The following MGME1 variants were observed in gnomAD, a reference collection of about 807,000 sequenced individuals.
MGME1 encodes mitochondrial genome maintenance exonuclease 1, also known as chromosome 20 open reading frame 72.
MGME1 carries 22 observed loss-of-function variants against 33.0 expected under a neutral mutation model. The ratio of observed to expected loss-of-function variants is 0.67; its 90% CI spans 0.48 to 0.95. The LOEUF is 0.95. Ranked by LOEUF, MGME1 falls within the 40% of genes least tolerant of loss-of-function variation. MGME1 has a pLI of 0.00. For missense variants in MGME1, 383 were observed against 397.8 expected, an observed-to-expected ratio of 0.96 and a Z score of 0.32; for synonymous variants, 133 against 144.0, an observed-to-expected ratio of 0.92 and a Z score of 0.55.
chr20:17,975,566 AAAG>A (rs1250098797), intron 2 of MGME1, 115 bp from the exon 3 acceptor site: 5 of 814,832 alleles, frequency 6.1e-6, no homozygotes, highest in South Asian at 1.9e-5. Flanking sequence ...AAAAAAAAAA[AAAG>A]AAAAAAAAAT....
At chr20:17,971,615 A>T (rs1472511072) in intron 2 of MGME1, among the ~76,000 whole-genome samples, 1 of 152,218 alleles carries the variant, frequency 6.6e-6, no homozygotes, top group Non-Finnish European at 1.5e-5. Flanking sequence ...CTCTTGGCAC[A>T]AAGTAAGGAA....
chr20:17,983,368 T>C (rs2036082028), intron 3 of MGME1, among the ~76,000 whole-genome samples: 1 of 152,168 alleles, frequency 6.6e-6, no homozygotes, highest in African/African-American at 2.4e-5. Flanking sequence ...TCTTGGCCTT[T>C]GTAAATAATG....
intron 2 of MGME1, among the ~76,000 whole-genome samples, chr20:17,971,446 TAC>T (rs2035726669): frequency 6.6e-6 from 1 of 152,242 alleles, no homozygotes; most frequent in Non-Finnish European, 1.5e-5. Flanking sequence ...AATGGCATCT[TAC>T]AGTTTTGTAT....
Position 17,970,267 on chromosome 20 carries a change from C to A in MGME1, c.408C>A (p.Val136=), listed in dbSNP as rs778025258. 6.2e-7 allele frequency: 1 copy of A among 1,614,190 alleles called. No individual in the cohort carries two copies. The highest frequency in any genetic ancestry group is 2.2e-5 in the East Asian group (1 of 44,888). ...QRNVIPSVTR[V]LQQTMTKQQV... ...ATGTGATACCAAGTGTGACCCGAGTCCTTCAGCAGACCATGACAAAACAAC... is the reference window on the plus strand; with the variant it reads ...ATGTGATACCAAGTGTGACCCGAGTACTTCAGCAGACCATGACAAAACAAC... The change falls in exon 2 of 5, where the codon GTC becomes GTA. Residue 136 remains valine, a synonymous_variant. Coordinates refer to ENST00000377710, the MANE Select transcript of MGME1 (RefSeq NM_052865.4).
chr20:17,988,163 T>C lies in MGME1; in HGVS notation c.732-3T>C, dbSNP rs763057974. Reference sequence around the variant, plus strand: ...ACAAAGTCTTCCTGTGGTTTCTCTTTAGGGGCAAGCTCTGTGTGATTGATT... The same window carrying C: ...ACAAAGTCTTCCTGTGGTTTCTCTTCAGGGGCAAGCTCTGTGTGATTGATT... On this transcript the variant is annotated splice_polypyrimidine_tract_variant and splice_region_variant and intron_variant, in intron 3 of 4. Transcript: ENST00000377710. 16 of 1,610,136 alleles carry C rather than the reference T, an allele frequency of 9.9e-6. No homozygotes were observed. The highest frequency in any genetic ancestry group is 1.3e-5 in the African/African-American group (1 of 74,780).
At chr20:17,979,764 A>C (rs1214314843) in intron 3 of MGME1, among the ~76,000 whole-genome samples, 1 of 145,516 alleles carries the variant, frequency 6.9e-6, no homozygotes, top group Non-Finnish European at 1.5e-5. Context: ...GCAGTCTTTC[A>C]CTGTCACCCA....
chr20:17,979,239 G>A (rs2035943194), intron 3 of MGME1, among the ~76,000 whole-genome samples: 1 of 151,716 alleles, frequency 6.6e-6, no homozygotes, highest in Admixed American at 6.6e-5. Context: ...ACCACGCCCA[G>A]CTAATTTTTT....
At position 17,991,085 on chromosome 20, in the gene MGME1, T is replaced by C. The variant is rs539098876; in HGVS notation, c.*976T>C. ...CTACAATGACTTCTTTGGGTAGCCA[T>C]TTTCATAAGAAATAAAATACAAGAT... On this transcript the variant is annotated 3_prime_UTR_variant, in exon 5 of 5. Coordinates refer to ENST00000377710, the MANE Select transcript of MGME1 (RefSeq NM_052865.4). 6.6e-6 allele frequency: 1 copy of C among 152,348 alleles called. No homozygotes were observed. The highest frequency in any genetic ancestry group is 1.5e-5 in the Non-Finnish European group (1 of 68,034). The allele number at this position is 152,348 out of a possible 1,614,324, so 9.4% of individuals were successfully genotyped here.
chr20:17,988,241 A>G lies in MGME1; in HGVS notation c.807A>G (p.Pro269=), dbSNP rs202011705. The change falls in exon 4 of 5, where the codon CCA becomes CCG. Residue 269 remains proline (P), a synonymous_variant. Coordinates refer to ENST00000377710, the MANE Select transcript of MGME1 (RefSeq NM_052865.4). ...KPFIQSTFDN[P]LQVVAYMGAM... ...TTATTCAAAGTACATTTGACAACCC[A>G]CTGCAAGTTGTGGCATACATGGGTG... 3.1e-6 allele frequency: 5 copies of G among 1,613,928 alleles called. No homozygotes were observed. Among genetic ancestry groups the G allele is most frequent in the Middle Eastern group, 1.6e-4 (1 of 6,084 alleles).
At position 17,970,306 on chromosome 20, in the gene MGME1, G is replaced by A; in HGVS notation, c.447G>A (p.Leu149=). ...QTMTKQQVFL[L]ERWKQRMILE... ...TGACAAAACAACAGGTTTTCTTGTT[G>A]GAGAGGTGGAAACAGCGGATGATTC... The change falls in exon 2 of 5, where the codon TTG becomes TTA. Residue 149 remains leucine, a synonymous_variant. Coordinates refer to ENST00000377710, the MANE Select transcript of MGME1 (RefSeq NM_052865.4). The A allele has an allele frequency of 6.2e-7, 1 of 1,614,182 alleles. No individual in the cohort carries two copies. Among genetic ancestry groups the A allele is most frequent in the Non-Finnish European group, 8.5e-7 (1 of 1,180,030 alleles).
rs1344801288 is a variant in MGME1, at chr20:17,988,194, A to C, written c.760A>C (p.Thr254Pro). Residue 254 changes from threonine to proline, a missense_variant, in exon 4 of 5, where the codon ACA becomes CCA. Thr to Pro is a conservative substitution (Grantham distance 38). Transcript: ENST00000377710. ...QGKLCVIDWKTSEKPKPFIQS... is the reference protein window; with the variant it reads ...QGKLCVIDWKPSEKPKPFIQS... ...CAAGCTCTGTGTGATTGATTGGAAGACATCAGAGAAACCAAAGCCTTTTAT... is the reference window on the plus strand; with the variant it reads ...CAAGCTCTGTGTGATTGATTGGAAGCCATCAGAGAAACCAAAGCCTTTTAT... 1 of 1,614,104 alleles carries C rather than the reference A, an allele frequency of 6.2e-7. No individual in the cohort carries two copies. The highest frequency in any genetic ancestry group is 1.7e-5 in the Admixed American group (1 of 60,012).
At chr20:17,987,865 G>A (rs990869590) in intron 3 of MGME1, among the ~76,000 whole-genome samples, 2 of 152,026 alleles carry the variant, frequency 1.3e-5, no homozygotes, top group East Asian at 1.9e-4. Flanking sequence ...GATAGGGGAT[G>A]GGGGGAGGAA....
intron 3 of MGME1, among the ~76,000 whole-genome samples, chr20:17,986,421 G>A (rs1159474420): frequency 1.3e-5 from 2 of 149,702 alleles, no homozygotes; most frequent in African/African-American, 4.9e-5. Context: ...TGTTACCCAC[G>A]CTGTTGTGCA....
Position 17,990,325 on chromosome 20 carries a change from G to A in MGME1, c.*216G>A, listed in dbSNP as rs1017445775. On this transcript the variant is annotated 3_prime_UTR_variant, in exon 5 of 5. Transcript: ENST00000377710. ...CTAGACTTCGGCACGCGAAATCCCA[G>A]CTATGCTACCTCTTATTTACCTGAA... 1.0e-5 allele frequency: 5 copies of A among 480,594 alleles called. No homozygotes were observed. Among genetic ancestry groups the A allele is most frequent in the East Asian group, 7.7e-5 (2 of 26,050 alleles). 29.8% of individuals were successfully genotyped at this position (480,594 alleles called of 1,614,324 possible).
intron 4 of MGME1, 57 bp from the exon 5 acceptor site, chr20:17,989,882 A>T (rs2036248789): frequency 1.3e-6 from 2 of 1,539,650 alleles, no homozygotes. Context: ...GAAGGAAACG[A>T]ACCTAAACTC....
chr20:17,969,845 T>C lies in MGME1; in HGVS notation c.-15T>C. The C allele has an allele frequency of 6.3e-7, 1 of 1,591,564 alleles. No homozygotes were observed. Among genetic ancestry groups the C allele is most frequent in the Non-Finnish European group, 8.5e-7 (1 of 1,171,346 alleles). ...TTCGACCGTTGCAAATAGACTAAAG[T>C]GAAAACAAATCTGAATGAAGATGAA... On this transcript the variant is annotated 5_prime_UTR_variant, in exon 2 of 5. Coordinates refer to ENST00000377710, the MANE Select transcript of MGME1 (RefSeq NM_052865.4).
intron 3 of MGME1, among the ~76,000 whole-genome samples, chr20:17,979,191 C>G (rs6045122): frequency 6.6e-6 from 1 of 151,870 alleles, no homozygotes; most frequent in Non-Finnish European, 1.5e-5. Context: ...ATTCTCCCAC[C>G]TCAGCCTCCT....
intron 2 of MGME1, chr20:17,972,835 C>T: frequency 3.2e-6 from 3 of 943,320 alleles, no homozygotes; most frequent in Non-Finnish European, 3.8e-6. Flanking sequence ...TGTTTGTCTT[C>T]TGCTTCATTA....
chr20:17,976,155 G>A (rs1238582803), intron 3 of MGME1, among the ~76,000 whole-genome samples: 1 of 152,092 alleles, frequency 6.6e-6, no homozygotes, highest in Admixed American at 6.6e-5. Context: ...GTTTTGAGAC[G>A]GAGTGTCACC....
Sources: allele counts gnomAD v4.1 joint callset (sites outside exome capture counted in the v4.1 genomes callset), GRCh38; gene constraint gnomAD v4.1.1; transcripts MANE v1.5; gene names NCBI Gene and HGNC (gene_info 2026-07-23, HGNC 2026-07-21).